Variants in GALNT13 observed in about 807,000 individuals in gnomAD.
The protein encoded by GALNT13 is polypeptide N-acetylgalactosaminyltransferase 13, also known as UDP-GalNAc:polypeptide N-acetylgalactosaminyltransferase 13.
In GALNT13, 28 loss-of-function variants were observed where a neutral mutation model predicts 64.2. That is an observed-to-expected ratio of 0.44 (90% confidence interval 0.32 to 0.60). GALNT13 has a LOEUF of 0.60. GALNT13 is among the 20% of genes least tolerant of loss of function. GALNT13 has a pLI of 0.05. For synonymous variants in GALNT13, 214 were observed against 224.6 expected (o/e 0.95, Z 0.42); for missense variants, 577 against 669.8 (o/e 0.86, Z 1.53).
In GALNT13 at chr2:154,383,391, C is replaced by T. The variant is rs1698366068; in HGVS notation, c.1157-12600C>T. On this transcript the variant is annotated intron_variant, in intron 9 of 12. Transcript: ENST00000392825. ...ATCTTTAGATGTCATAAAGAACATT[C>T]CTGCTGAAAAAAAAATTATATGCCC... Among the ~76,000 whole-genome samples, 3 of 151,744 alleles carry T rather than the reference C, an allele frequency of 2.0e-5. No individual in the cohort carries two copies. In the South Asian group the frequency reaches 6.2e-4, roughly 32 times the overall value.
At chr2:153,183,736 C>G in the GALNT13 span, among the ~76,000 whole-genome samples, 1 of 152,168 alleles carries the variant, frequency 6.6e-6, no homozygotes, top group South Asian at 2.1e-4. Flanking sequence ...GTCTCTCCCC[C>G]ATTGCTTGTT....
chr2:153,324,231 T>C, the GALNT13 span, among the ~76,000 whole-genome samples: 1,374 of 152,278 alleles, frequency 9.0e-3, 26 homozygotes, highest in East Asian at 0.085. Flanking sequence ...GTTGTATTCC[T>C]AGGTATTTTA....
At chr2:153,974,973 A>G (rs1693983631) in intron 3 of GALNT13, among the ~76,000 whole-genome samples, 1 of 152,060 alleles carries the variant, frequency 6.6e-6, no homozygotes, top group African/African-American at 2.4e-5. Flanking sequence ...AGTGTATTAT[A>G]TGGGTAGCAT....
At chr2:153,100,087 G>A in the GALNT13 span, among the ~76,000 whole-genome samples, 4 of 152,204 alleles carry the variant, frequency 2.6e-5, no homozygotes, top group East Asian at 3.8e-4. Flanking sequence ...TGAAAATTCA[G>A]AAGAGATTAT....
the GALNT13 span, among the ~76,000 whole-genome samples, chr2:153,776,140 G>A: frequency 6.6e-6 from 1 of 152,178 alleles, no homozygotes; most frequent in Non-Finnish European, 1.5e-5. Context: ...TGACATAGAT[G>A]TGAAATATTG....
At chr2:153,339,941 T>C in the GALNT13 span, among the ~76,000 whole-genome samples, 1 of 152,174 alleles carries the variant, frequency 6.6e-6, no homozygotes, top group Non-Finnish European at 1.5e-5. Context: ...GGCTCTTTGT[T>C]CCGTTTCATT....
At chr2:153,734,511 T>C in the GALNT13 span, among the ~76,000 whole-genome samples, 7 of 152,330 alleles carry the variant, frequency 4.6e-5, no homozygotes, top group African/African-American at 1.2e-4. Flanking sequence ...AGCAGCCTTC[T>C]TAAACTGCAG....
the GALNT13 span, among the ~76,000 whole-genome samples, chr2:153,524,488 T>C: frequency 1.3e-5 from 2 of 152,086 alleles, no homozygotes; most frequent in African/African-American, 2.4e-5. Context: ...TTCATATCAC[T>C]GAAAGAGACA....
At chr2:153,550,672 T>C in the GALNT13 span, among the ~76,000 whole-genome samples, 1 of 152,226 alleles carries the variant, frequency 6.6e-6, no homozygotes, top group Non-Finnish European at 1.5e-5. Flanking sequence ...TAATGAACCA[T>C]ATTTTACATC....
At chr2:153,362,975 T>A in the GALNT13 span, among the ~76,000 whole-genome samples, 1 of 152,086 alleles carries the variant, frequency 6.6e-6, no homozygotes. Context: ...ATAGACCACA[T>A]AATTGGAAGT....
the GALNT13 span, among the ~76,000 whole-genome samples, chr2:153,235,509 TGTAAATGCTA>T: frequency 1.3e-5 from 2 of 152,114 alleles, no homozygotes; most frequent in South Asian, 4.1e-4. Flanking sequence ...GTGCTGTGGC[TGTAAATGCTA>T]GTACATGTAT....
chr2:153,457,557 T>G, the GALNT13 span, among the ~76,000 whole-genome samples: 225 of 152,322 alleles, frequency 1.5e-3, no homozygotes, highest in African/African-American at 5.1e-3. Context: ...TATTATTTCA[T>G]TTAACCCTCA....
At chr2:153,650,269 A>C in the GALNT13 span, among the ~76,000 whole-genome samples, 1 of 152,134 alleles carries the variant, frequency 6.6e-6, no homozygotes, top group Admixed American at 6.6e-5. Flanking sequence ...CTGTTTTATC[A>C]GAGACTAGGA....
At chr2:153,930,981 A>T (rs1184126670) in intron 2 of GALNT13, among the ~76,000 whole-genome samples, 1 of 151,218 alleles carries the variant, frequency 6.6e-6, no homozygotes, top group Non-Finnish European at 1.5e-5. Flanking sequence ...CATCTATGTT[A>T]TCTCTGATTT....
intron 3 of GALNT13, among the ~76,000 whole-genome samples, chr2:154,080,468 C>T (rs1042076121): frequency 6.6e-6 from 1 of 151,522 alleles, no homozygotes; most frequent in African/African-American, 2.4e-5. Context: ...GGAAATTGCT[C>T]TGTAAATATG....
rs372861183 is a variant in GALNT13 at position 154,403,477 on chromosome 2, A to G, written c.1297-5507A>G. Among the ~76,000 whole-genome samples, 213 of 152,024 alleles carry G rather than the reference A, an allele frequency of 1.4e-3. 5 individuals are homozygous for G. In the South Asian group the frequency reaches 0.041, roughly 29 times the overall value. ...TCTCAAAAAAAAAAACAAAAACGAA[A>G]AAAAAAGCTTTCAGATATTGTCTCT... is the stretch of plus-strand genomic sequence containing the variant. On this transcript the variant is annotated intron_variant, in intron 10 of 12. Transcript: ENST00000392825.
the GALNT13 span, among the ~76,000 whole-genome samples, chr2:153,576,225 G>A: frequency 6.6e-6 from 1 of 152,074 alleles, no homozygotes; most frequent in Non-Finnish European, 1.5e-5. Flanking sequence ...CTGGGATTAG[G>A]GGAAGAGTGA....
chr2:153,252,606 T>G, the GALNT13 span, among the ~76,000 whole-genome samples: 4 of 152,188 alleles, frequency 2.6e-5, no homozygotes, highest in Non-Finnish European at 4.4e-5. Context: ...CGGTTTTAGG[T>G]CTAACCTGTA....
chr2:154,334,527 T>TA (rs1429551959), intron 9 of GALNT13, among the ~76,000 whole-genome samples: 4 of 152,032 alleles, frequency 2.6e-5, no homozygotes, highest in Non-Finnish European at 5.9e-5. Context: ...TAACCTCCAC[T>TA]ACATCAAAAC....
Sources: gnomAD v4.1 joint callset for allele counts (sites outside exome capture counted in the v4.1 genomes callset) on GRCh38, gnomAD v4.1.1 for gene constraint, MANE v1.5 for transcripts, NCBI Gene and HGNC (gene_info 2026-07-23, HGNC 2026-07-21) for gene names.